GRID2: variants seen among roughly 807,000 people sequenced by gnomAD.
GRID2 encodes glutamate receptor ionotropic, delta-2.
Under a neutral mutation model 114.8 loss-of-function variants are expected in GRID2, and 33 were observed. That is an observed-to-expected ratio of 0.29 (90% CI 0.22 to 0.38). The LOEUF (loss-of-function observed/expected upper bound fraction) is 0.38, where lower values mean the gene tolerates loss of function less well. Ranked by LOEUF, GRID2 falls within the 10% of genes least tolerant of loss-of-function variation. GRID2 has a pLI of 1.00. For synonymous variants in GRID2, 505 were observed against 449.9 expected, an observed-to-expected ratio of 1.12 and a Z score of -1.55; for missense variants, 1,184 against 1,257.7, an observed-to-expected ratio of 0.94 and a Z score of 0.89.
At chr4:92,615,178 A>G (rs1214238565) in intron 2 of GRID2, among the ~76,000 whole-genome samples, 1 of 151,500 alleles carries the variant, frequency 6.6e-6, no homozygotes, top group Non-Finnish European at 1.5e-5. Flanking sequence ...TTCTCACTGT[A>G]TCCTAACATG....
chr4:92,606,502 T>C (rs1729460229), intron 2 of GRID2, among the ~76,000 whole-genome samples: 1 of 152,004 alleles, frequency 6.6e-6, no homozygotes, highest in African/African-American at 2.4e-5. Flanking sequence ...ATTTTCTGTC[T>C]TCTGTGTGTG....
intron 2 of GRID2, among the ~76,000 whole-genome samples, chr4:92,706,449 C>T (rs1263931095): frequency 2.0e-5 from 3 of 148,538 alleles, no homozygotes; most frequent in African/African-American, 7.4e-5. Context: ...TATATGAAAT[C>T]CATATGGATA....
At chr4:92,745,997 T>C (rs1488757704) in intron 2 of GRID2, among the ~76,000 whole-genome samples, 1 of 152,146 alleles carries the variant, frequency 6.6e-6, no homozygotes, top group Admixed American at 6.5e-5. Context: ...AGCGCTGCAT[T>C]TTCTCAGTTT....
chr4:92,984,894 C>A (rs1046348679), intron 2 of GRID2, among the ~76,000 whole-genome samples: 2 of 151,554 alleles, frequency 1.3e-5, no homozygotes, highest in Non-Finnish European at 2.9e-5. Context: ...AATAAAATAT[C>A]ATAGAAATGA....
intron 8 of GRID2, among the ~76,000 whole-genome samples, chr4:93,355,321 TTGGTTGA>T (rs372959899): frequency 0.045 from 6,810 of 152,092 alleles, 179 homozygotes; most frequent in South Asian, 0.067. Flanking sequence ...ATCTGACACC[TTGGTTGA>T]GCTGGATTGT....
At chr4:93,095,151 G>A (rs899860810) in intron 3 of GRID2, among the ~76,000 whole-genome samples, 2 of 151,652 alleles carry the variant, frequency 1.3e-5, no homozygotes, top group African/African-American at 4.8e-5. Flanking sequence ...TATACTTCAA[G>A]TTCTGGGACA....
intron 10 of GRID2, among the ~76,000 whole-genome samples, chr4:93,434,972 C>T (rs1295592018): frequency 2.6e-5 from 4 of 151,548 alleles, no homozygotes; most frequent in Admixed American, 2.0e-4. Context: ...ATTTTTTTTT[C>T]AGCATTTGCT....
chr4:93,616,210 A>G (rs1191645565), intron 13 of GRID2, among the ~76,000 whole-genome samples: 1 of 152,136 alleles, frequency 6.6e-6, no homozygotes, highest in Non-Finnish European at 1.5e-5. Context: ...TGTGCAGTTC[A>G]TTTTGCAGGT....
chr4:93,050,371 T>C (rs1227908656), intron 2 of GRID2, among the ~76,000 whole-genome samples: 1 of 152,032 alleles, frequency 6.6e-6, no homozygotes, highest in Non-Finnish European at 1.5e-5. Context: ...TTTACCTCAG[T>C]CTTTTATACT....
chr4:93,339,175 C>T (rs1759386078), intron 8 of GRID2, among the ~76,000 whole-genome samples: 1 of 152,194 alleles, frequency 6.6e-6, no homozygotes, highest in African/African-American at 2.4e-5. Flanking sequence ...ATTTCTGTGT[C>T]AGTGACTGTT....
intron 13 of GRID2, among the ~76,000 whole-genome samples, chr4:93,617,960 G>A (rs775267653): frequency 1.1e-4 from 16 of 151,716 alleles, no homozygotes; most frequent in African/African-American, 3.4e-4. Context: ...TTTTTGAGCC[G>A]TGGTATGGGT....
intron 2 of GRID2, among the ~76,000 whole-genome samples, chr4:92,620,919 G>A (rs753744535): frequency 2.0e-5 from 3 of 148,002 alleles, no homozygotes; most frequent in Non-Finnish European, 4.5e-5. Flanking sequence ...TTGTGCACAT[G>A]TACCCTAAAA....
intron 14 of GRID2, among the ~76,000 whole-genome samples, chr4:93,670,925 G>T (rs761225057): frequency 6.6e-6 from 1 of 152,146 alleles, no homozygotes; most frequent in Non-Finnish European, 1.5e-5. Flanking sequence ...CCCAGTGTGC[G>T]TTTGCTTTAT....
chr4:93,632,666 G>C (rs1422900538), intron 14 of GRID2, among the ~76,000 whole-genome samples: 1 of 152,098 alleles, frequency 6.6e-6, no homozygotes, highest in East Asian at 1.9e-4. Context: ...CTCCAGCTTT[G>C]TTCTTTTTGC....
At chr4:93,251,600 A>T (rs944940204) in intron 8 of GRID2, among the ~76,000 whole-genome samples, 1 of 152,118 alleles carries the variant, frequency 6.6e-6, no homozygotes, top group Non-Finnish European at 1.5e-5. Flanking sequence ...AGATTATTTT[A>T]TCACTCAGGT....
intron 1 of GRID2, among the ~76,000 whole-genome samples, chr4:92,400,748 T>C (rs2110280273): frequency 6.6e-6 from 1 of 152,186 alleles, no homozygotes; most frequent in South Asian, 2.1e-4. Flanking sequence ...TTCTTATTTC[T>C]CTTTACCCTC....
At chr4:92,765,142 T>C (rs1738199541) in intron 2 of GRID2, among the ~76,000 whole-genome samples, 1 of 152,176 alleles carries the variant, frequency 6.6e-6, no homozygotes, top group South Asian at 2.1e-4. Flanking sequence ...AAACACCTGC[T>C]CACACTTTCA....
chr4:92,609,435 TA>T (rs34979408), intron 2 of GRID2, among the ~76,000 whole-genome samples: 1 of 150,870 alleles, frequency 6.6e-6, no homozygotes, highest in Non-Finnish European at 1.5e-5. Context: ...GAGTTAGTAT[TA>T]AAAAAAATGA....
At chr4:93,672,449 A>C (rs887285559) in intron 14 of GRID2, among the ~76,000 whole-genome samples, 6 of 152,230 alleles carry the variant, frequency 3.9e-5, no homozygotes, top group Non-Finnish European at 8.8e-5. Flanking sequence ...ATGCAGCTAC[A>C]ATTCAAAAAT....
Sources: gnomAD v4.1 joint callset for allele counts (sites outside exome capture counted in the v4.1 genomes callset) on GRCh38, gnomAD v4.1.1 for gene constraint, MANE v1.5 for transcripts, NCBI Gene and HGNC (gene_info 2026-07-23, HGNC 2026-07-21) for gene names.